Variants in VWA5B1 observed in about 807,000 individuals in gnomAD.
VWA5B1 encodes von Willebrand factor A domain-containing protein 5B1.
VWA5B1 carries 115 observed loss-of-function variants against 118.2 expected under a neutral mutation model. The observed-to-expected ratio is 0.97, with a 90% CI of 0.84 to 1.14. VWA5B1 has a LOEUF of 1.14. Among genes scored for constraint, VWA5B1 ranks in the 50% most tolerant of loss-of-function variants. The pLI, the probability that VWA5B1 is intolerant of heterozygous loss-of-function variation, is 0.00. For synonymous variants in VWA5B1, 682 were observed against 658.4 expected, an observed-to-expected ratio of 1.04 and a Z score of -0.55; for missense variants, 1,596 against 1,603.8, an observed-to-expected ratio of 1.00 and a Z score of 0.08.
rs758571124 is a variant in VWA5B1, at chr1:20,355,520, G to A, written c.*1257G>A. ...CTTCAGGCTGAATCTATCCACCCTC[G>A]AAGCCCCCTCCTTCAAGGCCTTAAT... On this transcript the variant is annotated 3_prime_UTR_variant, in exon 22 of 22. Transcript: ENST00000289815. 5.9e-5 allele frequency among the ~76,000 whole-genome samples: 9 copies of A among 152,170 alleles called. No homozygotes were observed. The highest frequency in any genetic ancestry group is 1.9e-4 in the African/African-American group (8 of 41,440).
chr1:20,329,273 CT>C (rs1557854239), intron 9 of VWA5B1, among the ~76,000 whole-genome samples: 1 of 84,538 alleles, frequency 1.2e-5, no homozygotes, highest in African/African-American at 4.6e-5. Context: ...TTTTTTTTTT[CT>C]TTTTTCTTTT....
chr1:20,352,808 A>C (rs2090155448), intron 21 of VWA5B1, among the ~76,000 whole-genome samples: 1 of 152,224 alleles, frequency 6.6e-6, no homozygotes, highest in South Asian at 2.1e-4. Flanking sequence ...GAATTTCCAA[A>C]TATCCAGGGC....
chr1:20,330,442 G>A, intron 10 of VWA5B1, 60 bp downstream of exon 10: 1 of 1,536,854 alleles, frequency 6.5e-7, no homozygotes, highest in South Asian at 1.2e-5. Context: ...TGGGGCGCCA[G>A]AGCCCAAGGG....
chr1:20,327,798 G>A (rs2089432833), intron 8 of VWA5B1, 92 bp from the exon 9 acceptor site: 3 of 1,078,082 alleles, frequency 2.8e-6, no homozygotes, highest in Admixed American at 2.0e-5. Context: ...TTTGGAGGCT[G>A]CTCGTGTGCT....
chr1:20,299,090 A>G (rs996729766), intron 1 of VWA5B1, among the ~76,000 whole-genome samples: 5 of 152,220 alleles, frequency 3.3e-5, no homozygotes, highest in African/African-American at 4.8e-5. Flanking sequence ...CCATGTGATC[A>G]TACACATAAC....
At chr1:20,309,762 G>A (rs1304317628) in intron 1 of VWA5B1, among the ~76,000 whole-genome samples, 1 of 152,178 alleles carries the variant, frequency 6.6e-6, no homozygotes, top group East Asian at 1.9e-4. Context: ...TTGGGCAAGA[G>A]TAGATTCAAG....
At chr1:20,339,539 G>A (rs2089819119) in intron 14 of VWA5B1, among the ~76,000 whole-genome samples, 2 of 151,978 alleles carry the variant, frequency 1.3e-5, no homozygotes, top group South Asian at 2.1e-4. Context: ...GAGAGATCCT[G>A]TCTCAAACAA....
At chr1:20,294,432 G>T (rs760724152) in intron 1 of VWA5B1, 1 of 152,162 alleles carries the variant, frequency 6.6e-6, no homozygotes, top group Non-Finnish European at 1.5e-5. Flanking sequence ...TTTCTTACCT[G>T]TGTCATTCCC....
intron 2 of VWA5B1, among the ~76,000 whole-genome samples, chr1:20,311,243 G>A (rs2100839466): frequency 6.6e-6 from 1 of 152,302 alleles, no homozygotes; most frequent in African/African-American, 2.4e-5. Flanking sequence ...GAAGTACTGG[G>A]ATTACAGGCA....
At chr1:20,331,051 CA>C in intron 11 of VWA5B1, 68 bp downstream of exon 11, 1 of 1,340,968 alleles carries the variant, frequency 7.5e-7, no homozygotes, top group Non-Finnish European at 1.0e-6. Context: ...AGTCACATGG[CA>C]ACTCAGTGGT....
At chr1:20,349,776 G>C (rs1333860734) in intron 18 of VWA5B1, among the ~76,000 whole-genome samples, 1 of 148,764 alleles carries the variant, frequency 6.7e-6, no homozygotes, top group Non-Finnish European at 1.5e-5. Context: ...GTAGTCCAGG[G>C]CTTTACTAAG....
At chr1:20,317,031 C>G (rs2089031683) in intron 4 of VWA5B1, among the ~76,000 whole-genome samples, 1 of 151,842 alleles carries the variant, frequency 6.6e-6, no homozygotes, top group Non-Finnish European at 1.5e-5. Flanking sequence ...TGGCGGGCAC[C>G]TGTAGTCCCA....
chr1:20,336,005 G>A (rs1217918699), intron 12 of VWA5B1, among the ~76,000 whole-genome samples: 1 of 152,168 alleles, frequency 6.6e-6, no homozygotes, highest in Non-Finnish European at 1.5e-5. Context: ...GTTTATTTTG[G>A]TAATTTCGGT....
Position 20,337,940 on chromosome 1 carries a change from C to G in VWA5B1, c.2133+104C>G, listed in dbSNP as rs899015679. The G allele has an allele frequency of 2.2e-6, 3 of 1,392,744 alleles. No individual in the cohort carries two copies. The African/African-American group carries it at 4.3e-5, about 20-fold the overall frequency. The allele number at this position is 1,392,744 out of a possible 1,614,324, so 86.3% of individuals were successfully genotyped here. ...AGGACGTGGCCATCCACAACTTACA[C>G]TGCCAAGTGAGTCACTCCCTCTTTC... On this transcript the variant is annotated intron_variant, in intron 14 of 21. Transcript: ENST00000289815.
chr1:20,316,331 G>A (rs563504372), intron 4 of VWA5B1, among the ~76,000 whole-genome samples: 30 of 152,294 alleles, frequency 2.0e-4, no homozygotes, highest in Middle Eastern at 3.4e-3. Flanking sequence ...TGGATGCAGG[G>A]AGGCCGAGCT....
At chr1:20,340,394 C>G (rs931736060) in intron 14 of VWA5B1, among the ~76,000 whole-genome samples, 2 of 152,122 alleles carry the variant, frequency 1.3e-5, no homozygotes, top group Non-Finnish European at 2.9e-5. Flanking sequence ...ACTTAGCAGC[C>G]CTGGCTGGGG....
chr1:20,298,701 G>A, intron 1 of VWA5B1, among the ~76,000 whole-genome samples: 1 of 151,992 alleles, frequency 6.6e-6, no homozygotes, highest in Middle Eastern at 3.2e-3. Flanking sequence ...GCCTGGCTTT[G>A]AGCCTAATTC....
In VWA5B1 at chr1:20,330,944, T is replaced by C; in HGVS notation, c.1533T>C (p.Ser511=). 1.3e-6 allele frequency: 2 copies of C among 1,551,470 alleles called. No homozygotes were observed. Among genetic ancestry groups the C allele is most frequent in the Admixed American group, 2.0e-5 (1 of 50,950 alleles). ...VKGLASVSEG[S]AELLMEGERL... ...GACTGGCATCTGTGTCCGAGGGCAG[T>C]GCTGAGCTCCTGATGGAGGGGGAGC... Residue 511 remains serine, a synonymous_variant, in exon 11 of 22, where the codon AGT becomes AGC. Coordinates refer to ENST00000289815, the MANE Select transcript of VWA5B1 (RefSeq NM_001039500.3).
chr1:20,337,750 A>G lies in VWA5B1; in HGVS notation c.2047A>G (p.Lys683Glu). The change falls in exon 14 of 22, where the codon AAG becomes GAG. Residue 683 changes from lysine to glutamate, a missense_variant. Coordinates refer to ENST00000289815, the MANE Select transcript of VWA5B1 (RefSeq NM_001039500.3). The part of the protein sequence containing the change: ...TMASDPMPAA[K>E]RYPLRKARLQ... ...GGCAAGTGACCCCATGCCAGCTGCC[A>G]AGAGATACCCACTGCGGAAAGCCAG... 6.4e-7 allele frequency: 1 copy of G among 1,551,772 alleles called. No individual in the cohort carries two copies.
Sources: gnomAD v4.1 joint callset for allele counts (sites outside exome capture counted in the v4.1 genomes callset) on GRCh38, gnomAD v4.1.1 for gene constraint, MANE v1.5 for transcripts, NCBI Gene and HGNC (gene_info 2026-07-23, HGNC 2026-07-21) for gene names.